The following CTNND2 variants were observed in gnomAD, a reference collection of about 807,000 sequenced individuals.
CTNND2 encodes the protein catenin delta-2.
CTNND2 carries 22 observed loss-of-function variants against 144.4 expected under a neutral mutation model. That is an observed-to-expected ratio of 0.15 (90% CI 0.11 to 0.22). The LOEUF is 0.22. CTNND2 is among the 10% of genes least tolerant of loss of function. CTNND2 has a pLI of 1.00. For missense variants in CTNND2, 1,353 were observed against 1,618.8 expected (o/e 0.84, Z 2.82); for synonymous variants, 751 against 695.6 (o/e 1.08, Z -1.25).
chr5:11,892,011 C>T (rs1051587944), intron 1 of CTNND2, among the ~76,000 whole-genome samples: 2 of 152,356 alleles, frequency 1.3e-5, no homozygotes, highest in Admixed American at 6.5e-5. Flanking sequence ...GTTGTCAAAA[C>T]GTCCTACCAT....
rs76402576 is a variant in CTNND2, at chr5:11,714,188, T to C, written c.174+17948A>G. 9.0e-3 allele frequency among the ~76,000 whole-genome samples: 1,363 copies of C among 152,220 alleles called. 24 individuals carry two copies. The highest frequency in any genetic ancestry group is 0.032 in the African/African-American group (1,314 of 41,540). The stretch of plus-strand genomic sequence containing the variant: ...AAGGAGTGCTCCTGTGGAGCTAACA[T>C]TGGTAGAAAATGAAAAAAGGGAAAC... On this transcript the variant is annotated intron_variant, in intron 2 of 21. Transcript: ENST00000304623.
At chr5:11,843,254 TC>T (rs1794567942) in intron 1 of CTNND2, among the ~76,000 whole-genome samples, 1 of 152,186 alleles carries the variant, frequency 6.6e-6, no homozygotes, top group Non-Finnish European at 1.5e-5. Context: ...CCCAATGCAC[TC>T]TCCTTTTGCC....
chr5:11,730,369 G>C (rs1017552114), intron 2 of CTNND2, among the ~76,000 whole-genome samples: 1 of 151,872 alleles, frequency 6.6e-6, no homozygotes, highest in African/African-American at 2.4e-5. Context: ...TCCAGATGTC[G>C]AGTCAGTTAT....
chr5:11,572,148 G>A (rs1777612173), intron 2 of CTNND2, among the ~76,000 whole-genome samples: 1 of 152,138 alleles, frequency 6.6e-6, no homozygotes, highest in Admixed American at 6.6e-5. Context: ...ACAGGTCAGA[G>A]CAGGAGTGAA....
At chr5:11,624,807 T>A (rs906048925) in intron 2 of CTNND2, among the ~76,000 whole-genome samples, 2 of 152,018 alleles carry the variant, frequency 1.3e-5, no homozygotes, top group African/African-American at 4.8e-5. Context: ...AATTCCAAAT[T>A]TTTACCAAAC....
chr5:11,220,925 T>A (rs927296139), intron 10 of CTNND2, among the ~76,000 whole-genome samples: 1 of 152,158 alleles, frequency 6.6e-6, no homozygotes. Context: ...AATCATCCCA[T>A]AAGTACAATT....
chr5:11,264,398 T>C (rs1745232725), intron 9 of CTNND2, among the ~76,000 whole-genome samples: 1 of 152,150 alleles, frequency 6.6e-6, no homozygotes, highest in East Asian at 1.9e-4. Context: ...TGGGCCAAAT[T>C]TGGCCCATGG....
chr5:11,290,349 TAAG>T (rs1434702420), intron 9 of CTNND2, among the ~76,000 whole-genome samples: 1 of 152,210 alleles, frequency 6.6e-6, no homozygotes, highest in Admixed American at 6.5e-5. Flanking sequence ...GCTCATCGCA[TAAG>T]AAGAGCTAAA....
intron 6 of CTNND2, among the ~76,000 whole-genome samples, chr5:11,390,678 T>G (rs969980955): frequency 1.3e-5 from 2 of 152,210 alleles, no homozygotes. Context: ...GGAGGCCTAT[T>G]TGCCCAGGAT....
intron 1 of CTNND2, among the ~76,000 whole-genome samples, chr5:11,886,131 T>C (rs925506849): frequency 2.6e-5 from 4 of 151,684 alleles, no homozygotes; most frequent in South Asian, 2.1e-4. Context: ...AAAGCAGGAA[T>C]AAACCAACCC....
At chr5:11,093,593 G>T (rs183265107) in intron 15 of CTNND2, among the ~76,000 whole-genome samples, 46 of 152,154 alleles carry the variant, frequency 3.0e-4, no homozygotes, top group African/African-American at 9.2e-4. Flanking sequence ...CCTATAAAGA[G>T]AATTTATTGT....
intron 2 of CTNND2, among the ~76,000 whole-genome samples, chr5:11,632,170 A>G (rs530804142): frequency 4.6e-5 from 7 of 152,350 alleles, no homozygotes; most frequent in African/African-American, 1.7e-4. Context: ...GAGATAGCTA[A>G]GATGATCCCT....
intron 11 of CTNND2, among the ~76,000 whole-genome samples, chr5:11,173,795 A>T (rs1019525284): frequency 6.6e-6 from 1 of 152,176 alleles, no homozygotes; most frequent in Non-Finnish European, 1.5e-5. Context: ...TAACATGCAC[A>T]ATTCAGGGTT....
chr5:10,987,700 A>ACCTCCCCTCC (rs545484776), intron 20 of CTNND2, among the ~76,000 whole-genome samples: 1 of 18,236 alleles, frequency 5.5e-5, no homozygotes, highest in Admixed American at 7.4e-4. Context: ...TCCCCTCCCC[A>ACCTCCCCTCC]CCTCCCCTCC....
intron 16 of CTNND2, among the ~76,000 whole-genome samples, chr5:11,079,539 A>G (rs928099075): frequency 6.6e-6 from 1 of 152,182 alleles, no homozygotes; most frequent in Non-Finnish European, 1.5e-5. Context: ...AGAGGGAGGC[A>G]TCAGAAGGCC....
intron 10 of CTNND2, among the ~76,000 whole-genome samples, chr5:11,228,077 C>T (rs190651220): frequency 2.0e-5 from 3 of 151,668 alleles, no homozygotes; most frequent in African/African-American, 7.3e-5. Context: ...CGTGATGGTT[C>T]ATGCCTGTAA....
intron 2 of CTNND2, among the ~76,000 whole-genome samples, chr5:11,573,343 T>C (rs1044169746): frequency 5.9e-5 from 9 of 152,286 alleles, no homozygotes; most frequent in Admixed American, 2.6e-4. Flanking sequence ...ATTAATACCA[T>C]TGAGTATGCC....
At chr5:11,880,543 C>T (rs1735974142) in intron 1 of CTNND2, among the ~76,000 whole-genome samples, 1 of 125,616 alleles carries the variant, frequency 8.0e-6, no homozygotes, top group Admixed American at 8.6e-5. Context: ...ACCACCACTA[C>T]TACTACCACT....
chr5:11,357,543 T>C (rs980102500), intron 8 of CTNND2, among the ~76,000 whole-genome samples: 1 of 151,876 alleles, frequency 6.6e-6, no homozygotes, highest in Non-Finnish European at 1.5e-5. Context: ...GGGAGGAGGA[T>C]GAACAGGGGA....
Sources: allele counts gnomAD v4.1 joint callset (sites outside exome capture counted in the v4.1 genomes callset), GRCh38; gene constraint gnomAD v4.1.1; transcripts MANE v1.5; gene names NCBI Gene and HGNC (gene_info 2026-07-23, HGNC 2026-07-21).